Variants in KDM4C observed in about 807,000 individuals in gnomAD.
KDM4C encodes the protein lysine-specific demethylase 4C.
In KDM4C, 81 loss-of-function variants were observed where a neutral mutation model predicts 129.3. The ratio of observed to expected loss-of-function variants is 0.63; its 90% confidence interval spans 0.52 to 0.75. The LOEUF (loss-of-function observed/expected upper bound fraction) is 0.75. KDM4C is among the 30% of genes least tolerant of loss of function. The pLI is 0.00. For missense variants in KDM4C, 1,457 were observed against 1,304.0 expected (o/e 1.12, Z -1.81); for synonymous variants, 573 against 456.1 (o/e 1.26, Z -3.26).
At chr9:7,148,996 G>A (rs2130067423) in intron 19 of KDM4C, among the ~76,000 whole-genome samples, 1 of 152,304 alleles carries the variant, frequency 6.6e-6, no homozygotes, top group African/African-American at 2.4e-5. Context: ...CTTGAAGGTG[G>A]GGTTTCACCA....
At chr9:7,113,534 A>G (rs1441321916) in intron 18 of KDM4C, among the ~76,000 whole-genome samples, 1 of 152,132 alleles carries the variant, frequency 6.6e-6, no homozygotes, top group Non-Finnish European at 1.5e-5. Context: ...TGGGTCAGTG[A>G]GCATCATGCT....
upstream of KDM4C, among the ~76,000 whole-genome samples, chr9:6,754,390 T>G (rs1207287189): frequency 6.6e-6 from 1 of 151,814 alleles, no homozygotes; most frequent in Non-Finnish European, 1.5e-5. Flanking sequence ...TTTTTGTATT[T>G]TTAGTAGAGA....
chr9:7,013,320 C>G (rs534975901), intron 13 of KDM4C, among the ~76,000 whole-genome samples: 1 of 152,276 alleles, frequency 6.6e-6, no homozygotes, highest in South Asian at 2.1e-4. Flanking sequence ...TGCCAGTTCT[C>G]TCTCACTTGC....
intron 8 of KDM4C, chr9:6,973,818 C>T (rs1158956119): frequency 6.6e-6 from 1 of 152,124 alleles, no homozygotes; most frequent in Non-Finnish European, 1.5e-5. Flanking sequence ...TGCTGTTTGA[C>T]TTGTGCAGAA....
chr9:7,141,120 A>C (rs1841698231), intron 19 of KDM4C, among the ~76,000 whole-genome samples: 1 of 152,234 alleles, frequency 6.6e-6, no homozygotes, highest in Non-Finnish European at 1.5e-5. Context: ...GCAGAAGTCA[A>C]AGAGATTTGT....
intron 19 of KDM4C, among the ~76,000 whole-genome samples, chr9:7,141,797 G>GT (rs112782165): frequency 1.7e-3 from 244 of 146,462 alleles, no homozygotes; most frequent in East Asian, 0.014. Context: ...TTGTTATTAG[G>GT]TTTTTTTTTT....
chr9:7,077,693 A>G (rs1428073764), intron 17 of KDM4C, among the ~76,000 whole-genome samples: 1 of 152,198 alleles, frequency 6.6e-6, no homozygotes, highest in Non-Finnish European at 1.5e-5. Context: ...AAGCTGCCTC[A>G]TCAATCCTGA....
rs867946766 is a variant in KDM4C, at chr9:7,147,094, G to A, written c.2782-18144G>A. On this transcript the variant is annotated intron_variant, in intron 19 of 21. Transcript: ENST00000381309. The stretch of plus-strand genomic sequence containing the variant: ...CTTCTCTCATTCTCCCTGCAAGATT[G>A]CATTAATATCGCCATTTGATTAATG... Among the ~76,000 whole-genome samples the A allele has an allele frequency of 3.3e-5, 5 of 152,174 alleles. No individual in the cohort carries two copies. The South Asian group carries it at 6.2e-4, about 19-fold the overall frequency.
intron 5 of KDM4C, among the ~76,000 whole-genome samples, chr9:6,873,901 GGCGAGAGAGAGA>G (rs1428422592): frequency 4.0e-4 from 60 of 150,648 alleles, no homozygotes; most frequent in African/African-American, 1.4e-3. Flanking sequence ...AACACTTAGA[GGCGAGAGAGAGA>G]GCGAGAGAGA....
At chr9:7,147,768 G>T (rs1288138223) in intron 19 of KDM4C, among the ~76,000 whole-genome samples, 1 of 152,200 alleles carries the variant, frequency 6.6e-6, no homozygotes, top group Non-Finnish European at 1.5e-5. Flanking sequence ...CTAATTAGCT[G>T]TGCAACCAGG....
chr9:7,069,307 G>A (rs567974365), intron 17 of KDM4C, among the ~76,000 whole-genome samples: 39 of 152,206 alleles, frequency 2.6e-4, no homozygotes, highest in East Asian at 1.2e-3. Context: ...CTTTTATCAC[G>A]TGGAACACAT....
chr9:6,975,913 C>A (rs1832837600), intron 8 of KDM4C, among the ~76,000 whole-genome samples: 1 of 152,174 alleles, frequency 6.6e-6, no homozygotes, highest in African/African-American at 2.4e-5. Context: ...TGGCACATGC[C>A]TGTGATCCCA....
At chr9:6,787,320 C>T (rs898334681) in intron 1 of KDM4C, among the ~76,000 whole-genome samples, 4 of 152,216 alleles carry the variant, frequency 2.6e-5, no homozygotes, top group Admixed American at 2.6e-4. Context: ...GCAACCTCCG[C>T]CCCCGGGGTT....
chr9:6,915,982 G>C (rs1820241207), intron 8 of KDM4C, among the ~76,000 whole-genome samples: 1 of 152,180 alleles, frequency 6.6e-6, no homozygotes. Flanking sequence ...AGGGTTATAG[G>C]ATGGGGGGAA....
chr9:7,088,972 C>G (rs1835472067), intron 17 of KDM4C, among the ~76,000 whole-genome samples: 1 of 151,772 alleles, frequency 6.6e-6, no homozygotes, highest in Non-Finnish European at 1.5e-5. Flanking sequence ...GCACATTTGC[C>G]TGACTTAAAT....
chr9:6,754,835 A>G (rs1288816104), upstream of KDM4C, among the ~76,000 whole-genome samples: 1 of 147,416 alleles, frequency 6.8e-6, no homozygotes, highest in Non-Finnish European at 1.5e-5. Context: ...TGATAGTGCC[A>G]CTGCACTCCA....
In KDM4C at chr9:7,115,236, G is replaced by A. The variant is rs113318355; in HGVS notation, c.2610+11366G>A. ...TATTTATTTTTTTCGTAGATAAGGT[G>A]TATTTTCATGCAAAATGCTTGCTTG... On this transcript the variant is annotated intron_variant, in intron 18 of 21. Transcript: ENST00000381309. Among the ~76,000 whole-genome samples, 1,349 of 152,168 alleles carry A rather than the reference G, an allele frequency of 8.9e-3. 15 individuals are homozygous for A. Among genetic ancestry groups the A allele is most frequent in the African/African-American group, 0.028 (1,164 of 41,532 alleles).
chr9:6,966,354 T>G (rs1830969081), intron 8 of KDM4C, among the ~76,000 whole-genome samples: 1 of 152,196 alleles, frequency 6.6e-6, no homozygotes, highest in South Asian at 2.1e-4. Flanking sequence ...AGCTAATTTT[T>G]TGTATTTTTA....
intron 8 of KDM4C, among the ~76,000 whole-genome samples, chr9:6,913,165 T>A (rs1011395261): frequency 1.3e-5 from 2 of 152,230 alleles, no homozygotes; most frequent in Admixed American, 6.5e-5. Flanking sequence ...GTACTTATTC[T>A]GGGATAAGGA....
Sources: allele counts gnomAD v4.1 joint callset (sites outside exome capture counted in the v4.1 genomes callset), GRCh38; gene constraint gnomAD v4.1.1; transcripts MANE v1.5; gene names NCBI Gene and HGNC (gene_info 2026-07-23, HGNC 2026-07-21).